The following PCDHA9 variants were observed in gnomAD, a reference collection of about 807,000 sequenced individuals.
The protein encoded by PCDHA9 is protocadherin alpha 9.
PCDHA9 carries 62 observed loss-of-function variants against 62.0 expected under a neutral mutation model. The observed-to-expected ratio is 1.00, with a 90% CI of 0.81 to 1.23. The LOEUF is 1.23. PCDHA9 is among the 50% of genes most tolerant of loss of function. The probability of loss-of-function intolerance (pLI) is 0.00; values close to 1 mark genes in which losing one functional copy is unlikely to be tolerated. For missense variants in PCDHA9, 1,205 were observed against 1,249.8 expected (o/e 0.96, Z 0.54); for synonymous variants, 557 against 567.6 (o/e 0.98, Z 0.27).
At chr5:140,926,946 A>C in intron 1 of PCDHA9, 1 of 1,590,228 alleles carries the variant, frequency 6.3e-7, no homozygotes, top group Non-Finnish European at 8.6e-7. Context: ...GCGGCGCTGC[A>C]GCGGGACAGC....
intron 1 of PCDHA9, chr5:140,858,049 G>C (rs181372488): frequency 6.3e-7 from 1 of 1,597,448 alleles, no homozygotes. Flanking sequence ...TGCTTGTGTC[G>C]CTTGTGGAGG....
intron 1 of PCDHA9, chr5:140,882,695 G>T: frequency 6.2e-7 from 1 of 1,614,192 alleles, no homozygotes; most frequent in Non-Finnish European, 8.5e-7. Flanking sequence ...AATAATCATT[G>T]CAGAATCTAG....
At chr5:140,926,728 T>G in intron 1 of PCDHA9, 4 of 1,061,710 alleles carry the variant, frequency 3.8e-6, no homozygotes, top group Non-Finnish European at 5.0e-6. Flanking sequence ...AATGCCGGCG[T>G]TCGGGAGGCG....
chr5:140,923,033 A>T (rs6895136), intron 1 of PCDHA9, among the ~76,000 whole-genome samples: 8,640 of 152,308 alleles, frequency 0.057, 727 homozygotes, highest in African/African-American at 0.19. Flanking sequence ...CTCTATTACT[A>T]CATGTATAGT....
At chr5:140,869,447 A>G in intron 1 of PCDHA9, 1 of 1,614,214 alleles carries the variant, frequency 6.2e-7, no homozygotes, top group Non-Finnish European at 8.5e-7. Flanking sequence ...AGGCCGCTGC[A>G]GGTTTTCCAT....
At chr5:140,994,355 G>A (rs2097616615) in intron 3 of PCDHA9, among the ~76,000 whole-genome samples, 2 of 152,240 alleles carry the variant, frequency 1.3e-5, no homozygotes, top group South Asian at 4.1e-4. Flanking sequence ...TGGGACCTCA[G>A]AAGATGGAAT....
intron 1 of PCDHA9, chr5:140,927,924 T>C: frequency 1.2e-6 from 2 of 1,614,204 alleles, no homozygotes; most frequent in Non-Finnish European, 1.7e-6. Context: ...ACTTCCTGAC[T>C]CTTTCGAACC....
At chr5:140,855,286 A>G (rs1387384974) in intron 1 of PCDHA9, among the ~76,000 whole-genome samples, 2 of 149,848 alleles carry the variant, frequency 1.3e-5, no homozygotes, top group Non-Finnish European at 3.0e-5. Flanking sequence ...CCGTATTACT[A>G]TTAGGCCAAA....
chr5:140,864,928 T>C (rs2048657742), intron 1 of PCDHA9: 1 of 152,144 alleles, frequency 6.6e-6, no homozygotes, highest in Non-Finnish European at 1.5e-5. Flanking sequence ...CTTGGCAGGG[T>C]GTCTCAGGCC....
At chr5:140,885,124 T>C (rs1019759458) in intron 1 of PCDHA9, among the ~76,000 whole-genome samples, 35 of 152,216 alleles carry the variant, frequency 2.3e-4, no homozygotes, top group African/African-American at 8.2e-4. Flanking sequence ...TGCACTTTTC[T>C]TTCTTTCTTT....
At chr5:140,926,190 ACTT>A (rs1468050055) in intron 1 of PCDHA9, among the ~76,000 whole-genome samples, 2 of 151,766 alleles carry the variant, frequency 1.3e-5, no homozygotes, top group South Asian at 2.2e-4. Flanking sequence ...CCCCCGCAGC[ACTT>A]CTTTCGGGGG....
chr5:140,912,164 CT>C (rs1281307479), intron 1 of PCDHA9, among the ~76,000 whole-genome samples: 1 of 152,158 alleles, frequency 6.6e-6, no homozygotes, highest in Non-Finnish European at 1.5e-5. Flanking sequence ...TTTATTCTGG[CT>C]GTGCTGGCAG....
At chr5:140,993,509 CGG>C (rs2097568014) in intron 3 of PCDHA9, among the ~76,000 whole-genome samples, 2 of 143,600 alleles carry the variant, frequency 1.4e-5, no homozygotes, top group South Asian at 4.6e-4. Context: ...CACACACACA[CGG>C]GGAGAGAGAG....
intron 1 of PCDHA9, among the ~76,000 whole-genome samples, chr5:140,922,186 G>A (rs2080700999): frequency 6.6e-6 from 1 of 151,230 alleles, no homozygotes; most frequent in South Asian, 2.1e-4. Context: ...CAAAAAAAAA[G>A]TCTTATCTTT....
In PCDHA9 at chr5:140,884,393, A is replaced by T. The variant is rs782150859; in HGVS notation, c.2394+33504A>T. 6.8e-6 allele frequency: 11 copies of T among 1,613,878 alleles called. No individual in the cohort carries two copies. In the South Asian group the frequency reaches 1.1e-4, roughly 16 times the overall value. On this transcript the variant is annotated intron_variant, in intron 1 of 3. Transcript: ENST00000532602. Reference sequence around the variant, plus strand: ...GATCATTGCCATCTGCGCGGTGTCCAGCCTGTTGGTGCTCACGTTGCTGCT... The same window carrying T: ...GATCATTGCCATCTGCGCGGTGTCCTGCCTGTTGGTGCTCACGTTGCTGCT...
intron 1 of PCDHA9, chr5:140,871,578 G>A (rs1554165764): frequency 6.8e-7 from 1 of 1,474,340 alleles, no homozygotes; most frequent in Admixed American, 2.6e-5. Context: ...TTTTTTAAGG[G>A]AAAGTTTTAT....
chr5:140,856,321 C>G lies in PCDHA9; in HGVS notation c.2394+5432C>G, dbSNP rs544932528. ...TGTTTGTGAATTCTCGGATTGACCG[C>G]GAGGAGCTGTGCGGGCGGAGCGTGG... On this transcript the variant is annotated intron_variant, in intron 1 of 3. Transcript: ENST00000532602. 15 of 1,598,548 alleles carry G rather than the reference C, an allele frequency of 9.4e-6. 2 individuals are homozygous for G. In the Admixed American group the frequency reaches 1.3e-4, roughly 14 times the overall value.
Position 140,848,644 on chromosome 5 carries a change from A to C in PCDHA9, c.149A>C (p.Gln50Pro). ...EHGTFVGRIA[Q>P]DLGLELAELV... Reference sequence around the variant, plus strand: ...GGCACCTTCGTGGGCCGCATCGCGCAGGACCTGGGGCTGGAGCTGGCGGAG... The same window carrying C: ...GGCACCTTCGTGGGCCGCATCGCGCCGGACCTGGGGCTGGAGCTGGCGGAG... Residue 50 changes from glutamine (Q) to proline (P), a missense_variant, in exon 1 of 4, where the codon CAG becomes CCG. Physicochemically the swap from Gln to Pro is moderately conservative, Grantham distance 76. Transcript: ENST00000532602. The C allele has an allele frequency of 6.3e-7, 1 of 1,593,184 alleles. No individual in the cohort carries two copies. The highest frequency in any genetic ancestry group is 8.6e-7 in the Non-Finnish European group (1 of 1,163,854).
chr5:140,921,888 A>G (rs1430604991), intron 1 of PCDHA9, among the ~76,000 whole-genome samples: 8 of 152,090 alleles, frequency 5.3e-5, no homozygotes, highest in African/African-American at 1.9e-4. Context: ...AGATTTTAGA[A>G]AGGAGGATAA....
Sources: gnomAD v4.1 joint callset for allele counts (sites outside exome capture counted in the v4.1 genomes callset) on GRCh38, gnomAD v4.1.1 for gene constraint, MANE v1.5 for transcripts, NCBI Gene and HGNC (gene_info 2026-07-23, HGNC 2026-07-21) for gene names.